The following GUCY1B1 variants were observed in gnomAD, a reference collection of about 807,000 sequenced individuals.
GUCY1B1 encodes the protein guanylate cyclase 1 soluble subunit beta 1, also known as guanylate cyclase soluble subunit beta-1.
Under a neutral mutation model 71.0 loss-of-function variants are expected in GUCY1B1, and 43 were observed. The observed-to-expected ratio is 0.61, with a 90% CI of 0.47 to 0.78. The LOEUF is 0.78. Ranked by LOEUF, GUCY1B1 falls within the 30% of genes least tolerant of loss-of-function variation. GUCY1B1 has a pLI of 0.00. For synonymous variants in GUCY1B1, 266 were observed against 259.7 expected (o/e 1.02, Z -0.23); for missense variants, 535 against 754.1 (o/e 0.71, Z 3.40).
At chr4:155,785,202 C>A in intron 4 of GUCY1B1, 2 of 665,370 alleles carry the variant, frequency 3.0e-6, no homozygotes, top group East Asian at 2.8e-5. Flanking sequence ...CTCAAGATAT[C>A]AAAATAGATG....
intron 2 of GUCY1B1, among the ~76,000 whole-genome samples, chr4:155,771,666 G>T (rs1563806): frequency 0.51 from 78,036 of 151,990 alleles, 20,327 homozygotes; most frequent in Middle Eastern, 0.72. Flanking sequence ...AAAACATAAG[G>T]TATCCATATC....
chr4:155,796,244 G>T (rs1579247269), intron 7 of GUCY1B1, 133 bp from the exon 8 acceptor site: 3 of 771,970 alleles, frequency 3.9e-6, no homozygotes, highest in East Asian at 5.0e-5. Context: ...CTGACAGAAG[G>T]CCCTCTCCTG....
rs78950097 is a variant in GUCY1B1 at position 155,805,256 on chromosome 4, G to A, written c.1836+27G>A. 4.2e-4 allele frequency: 672 copies of A among 1,584,816 alleles called. 4 individuals are homozygous for A. In the African/African-American group the frequency reaches 6.4e-3, roughly 15 times the overall value. ...TATGACTAATCAAAGTGTAATTTGC[G>A]TACTTAAGACAGAGTATAAGTATGG... On this transcript the variant is annotated intron_variant, in intron 13 of 13. Coordinates refer to ENST00000264424, the MANE Select transcript of GUCY1B1 (RefSeq NM_000857.5).
intron 8 of GUCY1B1, among the ~76,000 whole-genome samples, chr4:155,797,111 G>A (rs1476241356): frequency 6.6e-6 from 1 of 152,092 alleles, no homozygotes; most frequent in Non-Finnish European, 1.5e-5. Context: ...CATTTTACTA[G>A]GAGATACATG....
intron 2 of GUCY1B1, among the ~76,000 whole-genome samples, chr4:155,772,092 A>C (rs2049003264): frequency 6.6e-6 from 1 of 152,204 alleles, no homozygotes. Flanking sequence ...TCAGAGGATA[A>C]GACAATGTTT....
chr4:155,805,050 T>C, intron 12 of GUCY1B1, 53 bp from the exon 13 acceptor site: 1 of 1,491,402 alleles, frequency 6.7e-7, no homozygotes, highest in African/African-American at 1.4e-5. Context: ...TGTCACCTTC[T>C]CTATAAAACT....
At chr4:155,787,214 A>G (rs546141010) in intron 4 of GUCY1B1, among the ~76,000 whole-genome samples, 24 of 152,278 alleles carry the variant, frequency 1.6e-4, no homozygotes, top group Admixed American at 8.5e-4. Context: ...CAAGTAAAAC[A>G]GTTTTAGGAC....
At chr4:155,797,752 A>ATAAT (rs1739659834) in intron 8 of GUCY1B1, among the ~76,000 whole-genome samples, 1 of 149,474 alleles carries the variant, frequency 6.7e-6, no homozygotes, top group Non-Finnish European at 1.5e-5. Context: ...AATAATAATA[A>ATAAT]TAATAATAAT....
At chr4:155,803,522 A>T in intron 10 of GUCY1B1, 102 bp from the exon 11 acceptor site, 1 of 741,796 alleles carries the variant, frequency 1.3e-6, no homozygotes, top group Non-Finnish European at 2.0e-6. Flanking sequence ...AGGGAAGCTT[A>T]AAGTTGCTGG....
Position 155,803,607 on chromosome 4 carries a change from A to T in GUCY1B1, c.1414-17A>T. ...TTTTTATGCTAACCGTGAACATCTA[A>T]ATATATGTACTGTTAGGTGGAGACT... On this transcript the variant is annotated splice_polypyrimidine_tract_variant and intron_variant, in intron 10 of 13. Coordinates refer to ENST00000264424, the MANE Select transcript of GUCY1B1 (RefSeq NM_000857.5). 1 of 1,467,394 alleles carries T rather than the reference A, an allele frequency of 6.8e-7. No homozygotes were observed. The highest frequency in any genetic ancestry group is 9.1e-7 in the Non-Finnish European group (1 of 1,101,698). 90.9% of individuals were successfully genotyped at this position (1,467,394 alleles called of 1,614,324 possible). A position where few individuals can be genotyped will look rare whatever the true frequency, so the allele number is the denominator to read the frequency against.
chr4:155,796,572 G>A, intron 8 of GUCY1B1, 62 bp downstream of exon 8: 1 of 1,104,460 alleles, frequency 9.1e-7, no homozygotes, highest in Non-Finnish European at 1.3e-6. Flanking sequence ...ACAAAGGAAT[G>A]CCACAATATT....
chr4:155,774,282 C>T (rs1342782397), intron 2 of GUCY1B1, among the ~76,000 whole-genome samples: 2 of 152,166 alleles, frequency 1.3e-5, no homozygotes, highest in Non-Finnish European at 2.9e-5. Flanking sequence ...CCTCTGCTGT[C>T]CTCTGACACC....
intron 4 of GUCY1B1, among the ~76,000 whole-genome samples, chr4:155,782,469 A>T (rs1050700247): frequency 6.6e-6 from 1 of 152,204 alleles, no homozygotes; most frequent in East Asian, 1.9e-4. Flanking sequence ...AAAGCTTCAT[A>T]AGAAAATAGC....
chr4:155,767,137 A>G (rs1376787611), intron 2 of GUCY1B1, among the ~76,000 whole-genome samples: 4 of 152,278 alleles, frequency 2.6e-5, no homozygotes, highest in African/African-American at 7.2e-5. Context: ...GTTTTCCTCC[A>G]AAGAGAAAGA....
chr4:155,805,287 T>G, intron 13 of GUCY1B1, 58 bp downstream of exon 13: 2 of 1,353,232 alleles, frequency 1.5e-6, no homozygotes, highest in Non-Finnish European at 2.0e-6. Context: ...TATGGAAAAC[T>G]AAAGCAAAAT....
chr4:155,759,952 G>C (rs1736860632), intron 2 of GUCY1B1, 92 bp downstream of exon 2: 2 of 911,098 alleles, frequency 2.2e-6, no homozygotes, highest in Non-Finnish European at 3.5e-6. Context: ...TGCTGGCCGG[G>C]TCGCGGGCGC....
chr4:155,783,082 A>C (rs1466684872), intron 4 of GUCY1B1, among the ~76,000 whole-genome samples: 1 of 152,220 alleles, frequency 6.6e-6, no homozygotes, highest in East Asian at 1.9e-4. Flanking sequence ...GTTGTTTGAC[A>C]TACAGCTATG....
At chr4:155,793,717 A>G (rs1162105747) in intron 5 of GUCY1B1, 139 bp from the exon 6 acceptor site, 3 of 574,284 alleles carry the variant, frequency 5.2e-6, no homozygotes, top group Non-Finnish European at 6.3e-6. Context: ...TTTTAGACAT[A>G]TGGAGTATTT....
chr4:155,765,547 A>G (rs1737276688), intron 2 of GUCY1B1, among the ~76,000 whole-genome samples: 1 of 152,226 alleles, frequency 6.6e-6, no homozygotes, highest in African/African-American at 2.4e-5. Context: ...ATTTTATTCC[A>G]GGTAAAAGTA....
Sources: allele counts gnomAD v4.1 joint callset (sites outside exome capture counted in the v4.1 genomes callset), GRCh38; gene constraint gnomAD v4.1.1; transcripts MANE v1.5; gene names NCBI Gene and HGNC (gene_info 2026-07-23, HGNC 2026-07-21).